The following TP63 variants were observed in gnomAD, a reference collection of about 807,000 sequenced individuals.
TP63 encodes the protein tumor protein p63, also known as tumor protein 63.
A neutral mutation model predicts 82.8 loss-of-function variants in TP63; 17 were observed. That is an observed-to-expected ratio of 0.21 (90% confidence interval 0.14 to 0.31). The LOEUF (loss-of-function observed/expected upper bound fraction) is 0.31, where lower values mean the gene tolerates loss of function less well. TP63 is among the 10% of genes least tolerant of loss of function. The pLI is 1.00. For synonymous variants in TP63, 330 were observed against 321.7 expected, an observed-to-expected ratio of 1.03 and a Z score of -0.28; for missense variants, 648 against 895.3, an observed-to-expected ratio of 0.72 and a Z score of 3.52.
chr3:189,799,949 G>A (rs900569323), intron 3 of TP63, among the ~76,000 whole-genome samples: 1 of 152,036 alleles, frequency 6.6e-6, no homozygotes, highest in African/African-American at 2.4e-5. Flanking sequence ...CAGGTATTGG[G>A]GATTCAGTAC....
intron 10 of TP63, among the ~76,000 whole-genome samples, chr3:189,875,918 C>T (rs887226674): frequency 4.0e-5 from 6 of 151,784 alleles, no homozygotes; most frequent in Non-Finnish European, 5.9e-5. Flanking sequence ...ATGTAGTTAA[C>T]GACACAACCT....
chr3:189,860,234 GAGAA>G (rs1716856469), intron 4 of TP63, among the ~76,000 whole-genome samples: 2 of 152,124 alleles, frequency 1.3e-5, no homozygotes, highest in African/African-American at 2.4e-5. Flanking sequence ...AAATTCCACA[GAGAA>G]AGAAAGATAG....
the TP63 span, among the ~76,000 whole-genome samples, chr3:189,615,168 C>A: frequency 6.6e-6 from 1 of 152,200 alleles, no homozygotes; most frequent in African/African-American, 2.4e-5. Flanking sequence ...CCTCGTATAA[C>A]CTGGCTTCTG....
chr3:189,866,876 A>G, intron 6 of TP63, 79 bp downstream of exon 6: 1 of 1,161,308 alleles, frequency 8.6e-7, no homozygotes, highest in Non-Finnish European at 1.3e-6. Flanking sequence ...TTTCAGCAAC[A>G]GGGATGTTTC....
intron 1 of TP63, among the ~76,000 whole-genome samples, chr3:189,731,075 G>T (rs1173301737): frequency 1.3e-5 from 2 of 152,152 alleles, no homozygotes; most frequent in Admixed American, 1.3e-4. Flanking sequence ...AGGCGCTCTG[G>T]CTCACGCCTG....
chr3:189,653,261 T>G (rs534529628), intron 1 of TP63, among the ~76,000 whole-genome samples: 1 of 152,198 alleles, frequency 6.6e-6, no homozygotes, highest in Non-Finnish European at 1.5e-5. Flanking sequence ...GAACCTAGAG[T>G]CAGGATATCT....
At chr3:189,796,422 G>A (rs1237755057) in intron 3 of TP63, among the ~76,000 whole-genome samples, 2 of 151,966 alleles carry the variant, frequency 1.3e-5, no homozygotes, top group African/African-American at 4.8e-5. Context: ...GCAGGGGAGG[G>A]TAGGCCATGG....
chr3:189,607,430 CTT>C, the TP63 span, among the ~76,000 whole-genome samples: 3 of 151,944 alleles, frequency 2.0e-5, no homozygotes, highest in African/African-American at 2.4e-5. Flanking sequence ...TTTTTAAAAA[CTT>C]AATAGAAAAA....
At chr3:189,688,345 A>T (rs1196011297) in intron 1 of TP63, among the ~76,000 whole-genome samples, 3 of 152,222 alleles carry the variant, frequency 2.0e-5, no homozygotes, top group African/African-American at 7.2e-5. Context: ...TGAGTACAGG[A>T]TATAATCCTT....
intron 4 of TP63, among the ~76,000 whole-genome samples, chr3:189,859,081 A>C (rs1245215819): frequency 6.6e-6 from 1 of 152,178 alleles, no homozygotes; most frequent in Non-Finnish European, 1.5e-5. Context: ...GTTAACAGTA[A>C]TGTATTGCAT....
At chr3:189,615,745 A>G in the TP63 span, among the ~76,000 whole-genome samples, 1 of 152,114 alleles carries the variant, frequency 6.6e-6, no homozygotes, top group East Asian at 1.9e-4. Flanking sequence ...ACCTCAGGCC[A>G]TTTCTCCTTC....
intron 4 of TP63, among the ~76,000 whole-genome samples, chr3:189,861,391 C>A (rs994162508): frequency 2.1e-5 from 3 of 144,034 alleles, no homozygotes; most frequent in Non-Finnish European, 3.0e-5. Context: ...AGCATTAAAA[C>A]GTTTGTATGG....
chr3:189,643,097 G>A (rs1712062301), intron 1 of TP63, among the ~76,000 whole-genome samples: 1 of 152,008 alleles, frequency 6.6e-6, no homozygotes, highest in Non-Finnish European at 1.5e-5. Flanking sequence ...TGCCTCCCGG[G>A]TTCAGGCAAT....
rs186711452 is a variant in TP63 at position 189,858,812 on chromosome 3, T to C, written c.580-5420T>C. Among the ~76,000 whole-genome samples the C allele has an allele frequency of 7.2e-5, 11 of 152,150 alleles. No homozygotes were observed. The East Asian group carries it at 2.1e-3, about 29-fold the overall frequency. On this transcript the variant is annotated intron_variant, in intron 4 of 13. Transcript: ENST00000264731. The stretch of plus-strand genomic sequence containing the variant: ...AAAAAAGAAATCCTGATCCTGTCAT[T>C]TGCAACAACATGGATAAATCTGAGG...
chr3:189,606,462 A>G, the TP63 span, among the ~76,000 whole-genome samples: 3 of 151,332 alleles, frequency 2.0e-5, no homozygotes, highest in Admixed American at 6.6e-5. Context: ...TGCATGGCCC[A>G]TAAAATAGCT....
At chr3:189,726,158 G>A (rs187695077) in intron 1 of TP63, among the ~76,000 whole-genome samples, 19 of 152,192 alleles carry the variant, frequency 1.2e-4, no homozygotes, top group Admixed American at 3.3e-4. Context: ...CCATAAACAC[G>A]TATCTTGTTC....
chr3:189,865,847 A>G (rs769387508), intron 5 of TP63, among the ~76,000 whole-genome samples: 2 of 152,242 alleles, frequency 1.3e-5, no homozygotes, highest in Non-Finnish European at 2.9e-5. Flanking sequence ...CACCAAGATA[A>G]CATACTATTT....
At chr3:189,808,206 C>T in intron 3 of TP63, 66 bp from the exon 4 acceptor site, 2 of 1,613,986 alleles carry the variant, frequency 1.2e-6, no homozygotes, top group East Asian at 4.5e-5. Flanking sequence ...CCCATGGATG[C>T]CTTTTTTTGG....
chr3:189,705,307 C>G (rs1489812834), intron 1 of TP63, among the ~76,000 whole-genome samples: 1 of 152,154 alleles, frequency 6.6e-6, no homozygotes, highest in East Asian at 1.9e-4. Context: ...AGTAATAGGA[C>G]CTACCCTATA....
Sources: allele counts gnomAD v4.1 joint callset (sites outside exome capture counted in the v4.1 genomes callset), GRCh38; gene constraint gnomAD v4.1.1; transcripts MANE v1.5; gene names NCBI Gene and HGNC (gene_info 2026-07-23, HGNC 2026-07-21).